Variants in NRG4 observed in about 807,000 individuals in gnomAD.
The protein encoded by NRG4 is neuregulin 4.
NRG4 carries 10 observed loss-of-function variants against 15.0 expected under a neutral mutation model. The observed-to-expected ratio is 0.67, with a 90% CI of 0.41 to 1.13. NRG4 has a LOEUF of 1.13. Among genes scored for constraint, NRG4 ranks in the 50% most tolerant of loss-of-function variants. The probability of loss-of-function intolerance (pLI) is 0.00; values close to 1 mark genes in which losing one functional copy is unlikely to be tolerated. For missense variants in NRG4, 139 were observed against 140.2 expected (o/e 0.99, Z 0.04); for synonymous variants, 41 against 50.1 (o/e 0.82, Z 0.77).
intron 5 of NRG4, among the ~76,000 whole-genome samples, chr15:76,028,346 A>G (rs1162059901): frequency 2.0e-5 from 3 of 152,148 alleles, no homozygotes; most frequent in African/African-American, 7.2e-5. Context: ...AGAAATACAA[A>G]GGATCATGAA....
At chr15:76,042,981 T>C (rs1477385739) in intron 4 of NRG4, among the ~76,000 whole-genome samples, 1 of 152,118 alleles carries the variant, frequency 6.6e-6, no homozygotes, top group Non-Finnish European at 1.5e-5. Flanking sequence ...ATTTATCCCA[T>C]GGATGCAAGG....
At chr15:76,011,753 C>T (rs942261861) in intron 1 of NRG4, among the ~76,000 whole-genome samples, 2 of 152,010 alleles carry the variant, frequency 1.3e-5, no homozygotes, top group Non-Finnish European at 2.9e-5. Context: ...AAAAAATGTC[C>T]AGGGCTGATA....
chr15:75,959,059 G>A, intron 4 of NRG4: 2 of 317,884 alleles, frequency 6.3e-6, no homozygotes, highest in South Asian at 2.5e-5. Context: ...TGGCTTAACT[G>A]CAGCCTCTCA....
At chr15:76,043,352 T>A (rs972244529) in intron 4 of NRG4, among the ~76,000 whole-genome samples, 81 of 152,244 alleles carry the variant, frequency 5.3e-4, no homozygotes, top group Non-Finnish European at 2.1e-4. Flanking sequence ...AAGGAAGAAA[T>A]CAAATTATCA....
rs1325340773 is a variant in NRG4 at position 75,961,754 on chromosome 15, G to A, written c.251+74C>T. ...ATCTGGAAAAATATCTAGAACTAAG[G>A]GCATATTAATTATTTAGTGGAATAA... On this transcript the variant is annotated intron_variant, in intron 4 of 5. Coordinates refer to ENST00000394907, the MANE Select transcript of NRG4 (RefSeq NM_138573.4). The A allele has an allele frequency of 4.9e-6, 5 of 1,015,944 alleles. No homozygotes were observed. In the East Asian group the frequency reaches 7.3e-5, roughly 15 times the overall value. 62.9% of individuals were successfully genotyped at this position (1,015,944 alleles called of 1,614,324 possible).
In NRG4 at chr15:75,977,189, C is replaced by T. The variant is rs972284803; in HGVS notation, c.105-15215G>A. On this transcript the variant is annotated intron_variant, in intron 3 of 5. Coordinates refer to ENST00000394907, the MANE Select transcript of NRG4 (RefSeq NM_138573.4). This position sits in a 1 kb window ranked among gnomAD's most constrained non-coding sequence, Gnocchi z 4.9. Reference sequence around the variant, plus strand: ...CCCTCCCCCAACCAAGACTGAGCATCCCAGGTCGACTTCAGACTGCTGTGC... The same window carrying T: ...CCCTCCCCCAACCAAGACTGAGCATTCCAGGTCGACTTCAGACTGCTGTGC... Among the ~76,000 whole-genome samples the T allele has an allele frequency of 1.3e-5, 2 of 152,174 alleles. No individual in the cohort carries two copies. The highest frequency in any genetic ancestry group is 4.8e-5 in the African/African-American group (2 of 41,438).
intron 5 of NRG4, among the ~76,000 whole-genome samples, chr15:76,025,466 A>T (rs1241394868): frequency 6.6e-6 from 1 of 152,112 alleles, no homozygotes; most frequent in African/African-American, 2.4e-5. Context: ...GATAGACAAC[A>T]CAATGAAATT....
intron 5 of NRG4, among the ~76,000 whole-genome samples, chr15:76,027,921 G>A (rs113992215): frequency 0.013 from 1,967 of 152,062 alleles, 40 homozygotes; most frequent in African/African-American, 0.046. Flanking sequence ...CCTGCTGAAC[G>A]ACCAGTGGAT....
At chr15:76,058,791 A>G (rs778814526) in intron 1 of NRG4, among the ~76,000 whole-genome samples, 3 of 152,244 alleles carry the variant, frequency 2.0e-5, no homozygotes, top group Non-Finnish European at 4.4e-5. Context: ...ATTTTTAGCA[A>G]GAATTGGTGG....
chr15:75,953,717 T>C (rs1459111107), intron 5 of NRG4, among the ~76,000 whole-genome samples: 1 of 152,196 alleles, frequency 6.6e-6, no homozygotes, highest in African/African-American at 2.4e-5. Context: ...TGTCTTGGTG[T>C]ATTACTACTC....
intron 4 of NRG4, among the ~76,000 whole-genome samples, chr15:75,958,117 A>T (rs2141805197): frequency 6.6e-6 from 1 of 152,134 alleles, no homozygotes; most frequent in African/African-American, 2.4e-5. Context: ...GGTTCACGCC[A>T]TTCTCCTGCC....
intron 5 of NRG4, 106 bp from the exon 6 acceptor site, chr15:75,943,760 C>A: frequency 1.3e-6 from 1 of 744,016 alleles, no homozygotes; most frequent in Non-Finnish European, 2.3e-6. Context: ...TAAGCCAACC[C>A]CTTCTGTTTG....
At chr15:76,008,574 A>G (rs1482802254) in intron 3 of NRG4, among the ~76,000 whole-genome samples, 1 of 152,138 alleles carries the variant, frequency 6.6e-6, no homozygotes, top group African/African-American at 2.4e-5. Context: ...TATACATTTA[A>G]ATCCTATTCA....
intron 2 of NRG4, 55 bp downstream of exon 2, chr15:76,011,166 G>A (rs1006991496): frequency 7.7e-7 from 1 of 1,292,738 alleles, no homozygotes; most frequent in East Asian, 2.8e-5. Flanking sequence ...TTTGATTGTT[G>A]TTCTATTGCT....
intron 3 of NRG4, among the ~76,000 whole-genome samples, chr15:75,967,053 G>A (rs559464154): frequency 6.7e-6 from 1 of 148,672 alleles, no homozygotes; most frequent in South Asian, 2.1e-4. Context: ...GGCGGAAGTT[G>A]CAGTGAGCTG....
chr15:76,014,312 G>T (rs2034908881), upstream of NRG4, among the ~76,000 whole-genome samples: 1 of 152,046 alleles, frequency 6.6e-6, no homozygotes, highest in Non-Finnish European at 1.5e-5. Flanking sequence ...ACTCTGACGA[G>T]AGTTTCTTTT....
chr15:75,946,597 G>T (rs2031530102), intron 5 of NRG4, among the ~76,000 whole-genome samples: 1 of 152,056 alleles, frequency 6.6e-6, no homozygotes, highest in Non-Finnish European at 1.5e-5. Context: ...CTGACCTCGT[G>T]ATCCGCCTGC....
chr15:76,042,213 C>G (rs1240236180), intron 4 of NRG4, among the ~76,000 whole-genome samples: 2 of 151,288 alleles, frequency 1.3e-5, no homozygotes, highest in Non-Finnish European at 1.5e-5. Context: ...GCTATAAGCA[C>G]CTACATTTAA....
At chr15:76,023,847 G>C (rs2035231305) in intron 5 of NRG4, among the ~76,000 whole-genome samples, 1 of 152,218 alleles carries the variant, frequency 6.6e-6, no homozygotes, top group Admixed American at 6.5e-5. Context: ...GAATAGTCTA[G>C]CAGTCCTACC....
Sources: allele counts gnomAD v4.1 joint callset (sites outside exome capture counted in the v4.1 genomes callset), GRCh38; gene constraint gnomAD v4.1.1; non-coding constraint Gnocchi (gnomAD v3.1); transcripts MANE v1.5; gene names NCBI Gene and HGNC (gene_info 2026-07-23, HGNC 2026-07-21).